HCRTR2: variants seen among roughly 807,000 people sequenced by gnomAD.
HCRTR2 encodes hypocretin receptor 2.
In HCRTR2, 22 loss-of-function variants were observed where a neutral mutation model predicts 49.0. The observed-to-expected ratio is 0.45, with a 90% CI of 0.32 to 0.64. The LOEUF is 0.64. Among genes scored for constraint, HCRTR2 ranks in the 30% least tolerant of loss-of-function variants. The pLI, the probability that HCRTR2 is intolerant of heterozygous loss-of-function variation, is 0.04. For missense variants in HCRTR2, 491 were observed against 559.4 expected, an observed-to-expected ratio of 0.88 and a Z score of 1.23; for synonymous variants, 236 against 205.3, an observed-to-expected ratio of 1.15 and a Z score of -1.28.
At chr6:55,209,407 A>G (rs912849240) in intron 1 of HCRTR2, among the ~76,000 whole-genome samples, 7 of 152,204 alleles carry the variant, frequency 4.6e-5, no homozygotes, top group African/African-American at 1.7e-4. Context: ...TTTGGTTTCT[A>G]TAGGATTGCT....
At chr6:55,212,977 G>A (rs1189268032) in intron 1 of HCRTR2, among the ~76,000 whole-genome samples, 1 of 152,052 alleles carries the variant, frequency 6.6e-6, no homozygotes, top group South Asian at 2.1e-4. Context: ...CTCTTTCATT[G>A]GTATTGTAGC....
upstream of HCRTR2, chr6:55,174,407 C>T: frequency 1.5e-6 from 1 of 654,206 alleles, no homozygotes; most frequent in Non-Finnish European, 2.8e-6. Context: ...AGCAAAGCCA[C>T]CGCAGAAGTT....
rs115072750 is a variant in HCRTR2, at chr6:55,227,344, C to T, written c.224-21295C>T. 3.7e-3 allele frequency among the ~76,000 whole-genome samples: 568 copies of T among 152,278 alleles called. 3 individuals carry two copies. Among genetic ancestry groups the T allele is most frequent in the Middle Eastern group, 0.014 (4 of 294 alleles). On this transcript the variant is annotated intron_variant, in intron 1 of 6. Transcript: ENST00000370862. ...GTTTTAGATTATTTAAGTAGGTTGG[C>T]TGAGTTCACAAAAGCTATTACTATG...
At chr6:55,230,057 T>C (rs1169506330) in intron 1 of HCRTR2, among the ~76,000 whole-genome samples, 1 of 152,168 alleles carries the variant, frequency 6.6e-6, no homozygotes, top group Admixed American at 6.5e-5. Context: ...CCTGGAGCTC[T>C]CTGACTGGTC....
intron 1 of HCRTR2, among the ~76,000 whole-genome samples, chr6:55,140,609 G>A (rs1036719614): frequency 1.3e-5 from 2 of 152,028 alleles, no homozygotes; most frequent in Non-Finnish European, 2.9e-5. Context: ...TAAATACTTA[G>A]ATTTTACAAA....
chr6:55,277,632 A>C (rs1323314504), intron 5 of HCRTR2, 32 bp downstream of exon 5: 1 of 1,460,756 alleles, frequency 6.8e-7, no homozygotes, highest in Admixed American at 1.7e-5. Context: ...AAAATGAAAT[A>C]GCCTGCCTTT....
At chr6:55,139,978 G>A (rs932347061) in intron 1 of HCRTR2, among the ~76,000 whole-genome samples, 2 of 152,110 alleles carry the variant, frequency 1.3e-5, no homozygotes, top group Non-Finnish European at 2.9e-5. Flanking sequence ...TCTGTGAAAT[G>A]TCAGAGTTGT....
intron 1 of HCRTR2, among the ~76,000 whole-genome samples, chr6:55,204,758 A>T (rs1765571504): frequency 6.6e-6 from 1 of 152,040 alleles, no homozygotes; most frequent in African/African-American, 2.4e-5. Flanking sequence ...AAAATATCCA[A>T]ATCCTCTCCC....
In HCRTR2 at chr6:55,132,187, C is replaced by A. The variant is rs886244154; in HGVS notation, c.-378+25642C>A. 2.6e-5 allele frequency among the ~76,000 whole-genome samples: 4 copies of A among 151,606 alleles called. No homozygotes were observed. The East Asian group carries it at 7.7e-4, about 29-fold the overall frequency. On this transcript the variant is annotated intron_variant, in intron 1 of 7. Transcript: ENST00000615358. Reference sequence around the variant, plus strand: ...ATCACAAAAGTCTATTAAACACATACATATATATGATTTGTTAATTTAATA... The same window carrying A: ...ATCACAAAAGTCTATTAAACACATAAATATATATGATTTGTTAATTTAATA...
chr6:55,255,140 T>G lies in HCRTR2; in HGVS notation c.407T>G (p.Val136Gly). The G allele has an allele frequency of 6.2e-7, 1 of 1,613,878 alleles. No homozygotes were observed. Among genetic ancestry groups the G allele is most frequent in the Non-Finnish European group, 8.5e-7 (1 of 1,179,882 alleles). ...LCKVIPYLQT[V>G]SVSVSVLTLS... The stretch of plus-strand genomic sequence containing the variant: ...TATGATCTTTCTTTTCTCTAGACCG[T>G]GTCGGTGTCTGTGTCTGTCCTCACA... Residue 136 changes from valine (V) to glycine (G), a missense_variant, in exon 3 of 7, where the codon GTG becomes GGG. Val to Gly is a moderately radical substitution (Grantham distance 109, BLOSUM62 -3). Coordinates refer to ENST00000370862, the MANE Select transcript of HCRTR2 (RefSeq NM_001384272.1).
chr6:55,150,161 A>G (rs563229368), intron 1 of HCRTR2, among the ~76,000 whole-genome samples: 4 of 152,040 alleles, frequency 2.6e-5, no homozygotes, highest in African/African-American at 9.6e-5. Flanking sequence ...TTTTATTAAG[A>G]TATTATTGAC....
intron 1 of HCRTR2, among the ~76,000 whole-genome samples, chr6:55,223,165 C>A (rs934362235): frequency 3.3e-5 from 5 of 152,088 alleles, no homozygotes; most frequent in Admixed American, 3.3e-4. Flanking sequence ...AGCTAGACTG[C>A]CAGTTAATCT....
At chr6:55,263,128 A>G (rs6912059) in intron 3 of HCRTR2, among the ~76,000 whole-genome samples, 10,193 of 152,058 alleles carry the variant, frequency 0.067, 534 homozygotes, top group African/African-American at 0.15. Context: ...ATATGTTCCA[A>G]TAAGTCAACA....
chr6:55,252,475 C>T (rs764644288), intron 2 of HCRTR2, among the ~76,000 whole-genome samples: 12 of 151,884 alleles, frequency 7.9e-5, no homozygotes, highest in Non-Finnish European at 1.5e-4. Context: ...TATCTCTAGC[C>T]CAGAAGCTAT....
At chr6:55,284,585 A>G (rs986941174), downstream of HCRTR2, among the ~76,000 whole-genome samples, 10 of 152,266 alleles carry the variant, frequency 6.6e-5, no homozygotes, top group Non-Finnish European at 1.3e-4. Flanking sequence ...AACAGGGGCC[A>G]CCATCATCGC....
chr6:55,263,930 A>G, intron 4 of HCRTR2, 108 bp downstream of exon 4: 2 of 730,646 alleles, frequency 2.7e-6, no homozygotes, highest in Non-Finnish European at 4.9e-6. Context: ...ATGCACTTAT[A>G]AACAAAATTT....
chr6:55,210,976 T>C (rs185563116), intron 1 of HCRTR2, among the ~76,000 whole-genome samples: 6 of 152,142 alleles, frequency 3.9e-5, no homozygotes, highest in African/African-American at 1.4e-4. Flanking sequence ...TATAATACCA[T>C]GCTTTTCTGT....
intron 3 of HCRTR2, among the ~76,000 whole-genome samples, chr6:55,259,727 T>A (rs530472882): frequency 6.6e-6 from 1 of 152,086 alleles, no homozygotes; most frequent in South Asian, 2.1e-4. Flanking sequence ...TAATTTTTAA[T>A]GATTATCAAT....
At chr6:55,131,851 G>A (rs1764362265) in intron 1 of HCRTR2, among the ~76,000 whole-genome samples, 1 of 151,736 alleles carries the variant, frequency 6.6e-6, no homozygotes, top group Non-Finnish European at 1.5e-5. Flanking sequence ...ATGGTGCTGA[G>A]GAAAATAAGA....
Sources: gnomAD v4.1 joint callset for allele counts (sites outside exome capture counted in the v4.1 genomes callset) on GRCh38, gnomAD v4.1.1 for gene constraint, MANE v1.5 for transcripts, NCBI Gene and HGNC (gene_info 2026-07-23, HGNC 2026-07-21) for gene names.